DNAJC1: variants seen among roughly 807,000 people sequenced by gnomAD.
DNAJC1 encodes dnaJ homolog subfamily C member 1.
A neutral mutation model predicts 76.6 loss-of-function variants in DNAJC1; 58 were observed. That is an observed-to-expected ratio of 0.76 (90% confidence interval 0.61 to 0.94). The LOEUF (loss-of-function observed/expected upper bound fraction) is 0.94, where lower values mean the gene tolerates loss of function less well. Ranked by LOEUF, DNAJC1 falls within the 40% of genes least tolerant of loss-of-function variation. The probability of loss-of-function intolerance (pLI) is 0.00; values close to 1 mark genes in which losing one functional copy is unlikely to be tolerated. For synonymous variants in DNAJC1, 258 were observed against 267.9 expected (o/e 0.96, Z 0.36); for missense variants, 689 against 677.3 (o/e 1.02, Z -0.19).
intron 8 of DNAJC1, among the ~76,000 whole-genome samples, chr10:21,861,410 T>C (rs1835915248): frequency 6.6e-6 from 1 of 152,058 alleles, no homozygotes; most frequent in Admixed American, 6.6e-5. Context: ...AGTATTAATA[T>C]TATATATAAA....
At chr10:21,941,730 G>T (rs1185415556) in intron 1 of DNAJC1, among the ~76,000 whole-genome samples, 1 of 152,040 alleles carries the variant, frequency 6.6e-6, no homozygotes, top group East Asian at 1.9e-4. Flanking sequence ...GTGTCTGTAG[G>T]TATTCTTAAA....
intron 7 of DNAJC1, among the ~76,000 whole-genome samples, chr10:21,884,296 G>A (rs1836333210): frequency 6.6e-6 from 1 of 152,100 alleles, no homozygotes; most frequent in South Asian, 2.1e-4. Flanking sequence ...TGCCCACGTG[G>A]CTAACAAATA....
chr10:21,875,915 ACT>A (rs1293536753), intron 8 of DNAJC1, among the ~76,000 whole-genome samples: 3 of 152,062 alleles, frequency 2.0e-5, no homozygotes, highest in East Asian at 1.9e-4. Flanking sequence ...ACAGAGTGAG[ACT>A]CTGTCTCAAA....
chr10:21,850,133 G>C (rs1484973767), intron 8 of DNAJC1, among the ~76,000 whole-genome samples: 1 of 152,100 alleles, frequency 6.6e-6, no homozygotes, highest in African/African-American at 2.4e-5. Context: ...AACTGTGTAA[G>C]AAAGAGAAAT....
intron 8 of DNAJC1, among the ~76,000 whole-genome samples, chr10:21,864,573 T>C (rs1323159375): frequency 6.6e-6 from 1 of 150,722 alleles, no homozygotes; most frequent in Non-Finnish European, 1.5e-5. Context: ...AGTGAACCGA[T>C]ATCACGCCAC....
At chr10:21,963,300 A>G (rs1268853180) in intron 1 of DNAJC1, among the ~76,000 whole-genome samples, 4 of 152,222 alleles carry the variant, frequency 2.6e-5, no homozygotes, top group Non-Finnish European at 5.9e-5. Flanking sequence ...ACCAAAAGTA[A>G]AAGCTGCTAA....
intron 8 of DNAJC1, among the ~76,000 whole-genome samples, chr10:21,832,716 T>A (rs1835380635): frequency 1.3e-5 from 2 of 152,200 alleles, no homozygotes; most frequent in African/African-American, 4.8e-5. Flanking sequence ...ATTGCAAAAA[T>A]CTTCTAATGG....
At chr10:21,798,518 G>C (rs924745089) in intron 9 of DNAJC1, among the ~76,000 whole-genome samples, 2 of 152,122 alleles carry the variant, frequency 1.3e-5, no homozygotes, top group African/African-American at 4.8e-5. Flanking sequence ...GCAAACCCCA[G>C]ACATGCTCTT....
At chr10:21,832,165 C>T (rs1035061845) in intron 8 of DNAJC1, among the ~76,000 whole-genome samples, 7 of 152,102 alleles carry the variant, frequency 4.6e-5, no homozygotes, top group South Asian at 2.1e-4. Context: ...TAACTGCTGA[C>T]GTTTTGCCAT....
At chr10:21,807,211 G>A (rs1324995511) in intron 8 of DNAJC1, among the ~76,000 whole-genome samples, 2 of 152,102 alleles carry the variant, frequency 1.3e-5, no homozygotes, top group Admixed American at 1.3e-4. Flanking sequence ...CACCATTTCC[G>A]ATAATGAACA....
Position 21,759,331 on chromosome 10 carries a change from A to C in DNAJC1, c.1435T>G (p.Ser479Ala). Residue 479 changes from serine (S) to alanine (A), a missense_variant, in exon 11 of 12, where the codon TCC (serine) becomes GCC (alanine). Coordinates refer to ENST00000376980, the MANE Select transcript of DNAJC1 (RefSeq NM_022365.4). ...KDFDIAEQNE[S>A]SDEESLRKER... ...TTTCTCAGGCTCTCCTCGTCGCTGG[A>C]CTCGTTTTGTTCTGCTATGTCAAAG... 6.2e-7 allele frequency: 1 copy of C among 1,613,856 alleles called. No individual in the cohort carries two copies. The highest frequency in any genetic ancestry group is 8.5e-7 in the Non-Finnish European group (1 of 1,179,972).
chr10:21,965,611 A>G (rs886419571), intron 1 of DNAJC1, among the ~76,000 whole-genome samples: 2 of 152,224 alleles, frequency 1.3e-5, no homozygotes, highest in African/African-American at 4.8e-5. Context: ...ATATCCTGAT[A>G]TCTGGAGAAC....
Position 21,762,114 on chromosome 10 carries a change from T to G in DNAJC1, c.1148-2496A>C, listed in dbSNP as rs1315939688. The stretch of plus-strand genomic sequence containing the variant: ...CCACCATGCCCAGCTAATTTTTGTA[T>G]TTATAGAACAGACGAGGTTTCACCA... On this transcript the variant is annotated intron_variant, in intron 10 of 11. Coordinates refer to ENST00000376980, the MANE Select transcript of DNAJC1 (RefSeq NM_022365.4). Among the ~76,000 whole-genome samples, 6 of 152,134 alleles carry G rather than the reference T, an allele frequency of 3.9e-5. No individual in the cohort carries two copies. The East Asian group carries it at 1.2e-3, about 29-fold the overall frequency.
At chr10:21,914,707 T>C (rs1448334692) in intron 6 of DNAJC1, among the ~76,000 whole-genome samples, 4 of 152,214 alleles carry the variant, frequency 2.6e-5, no homozygotes, top group Non-Finnish European at 5.9e-5. Flanking sequence ...TGTTGTATAA[T>C]GTTTTCCTTA....
At position 21,759,627 on chromosome 10, in the gene DNAJC1, G is replaced by C. The variant is rs1289218680; in HGVS notation, c.1148-9C>G. 6.2e-7 allele frequency: 1 copy of C among 1,610,606 alleles called. No homozygotes were observed. Among genetic ancestry groups the C allele is most frequent in the South Asian group, 1.1e-5 (1 of 90,714 alleles). Reference sequence around the variant, plus strand: ...GGAGAGTCTAACCATTCCTAGGAAAGAGGGTGTGCCACACAGAGGTGAAGG... The same window carrying C: ...GGAGAGTCTAACCATTCCTAGGAAACAGGGTGTGCCACACAGAGGTGAAGG... On this transcript the variant is annotated splice_polypyrimidine_tract_variant and intron_variant, in intron 10 of 11. Coordinates refer to ENST00000376980, the MANE Select transcript of DNAJC1 (RefSeq NM_022365.4).
chr10:21,840,964 C>G (rs1171428242), intron 8 of DNAJC1, among the ~76,000 whole-genome samples: 1 of 152,180 alleles, frequency 6.6e-6, no homozygotes, highest in Non-Finnish European at 1.5e-5. Context: ...CTACAACTAT[C>G]TGATCTTTGA....
chr10:21,757,740 C>T (rs1009351084), intron 11 of DNAJC1, among the ~76,000 whole-genome samples: 17 of 152,346 alleles, frequency 1.1e-4, no homozygotes, highest in Middle Eastern at 3.4e-3. Context: ...TGAGCTGAGC[C>T]GTGCACGGCA....
At chr10:21,902,700 G>A (rs940647306) in intron 7 of DNAJC1, among the ~76,000 whole-genome samples, 1 of 152,146 alleles carries the variant, frequency 6.6e-6, no homozygotes, top group Non-Finnish European at 1.5e-5. Flanking sequence ...AACTCCGAAA[G>A]GAGCTTTTGT....
At chr10:21,875,352 T>C (rs1382161304) in intron 8 of DNAJC1, among the ~76,000 whole-genome samples, 1 of 151,986 alleles carries the variant, frequency 6.6e-6, no homozygotes, top group Non-Finnish European at 1.5e-5. Context: ...GATGCAGTCT[T>C]CCTAGGTTTC....
Sources: gnomAD v4.1 joint callset for allele counts (sites outside exome capture counted in the v4.1 genomes callset) on GRCh38, gnomAD v4.1.1 for gene constraint, MANE v1.5 for transcripts, NCBI Gene and HGNC (gene_info 2026-07-23, HGNC 2026-07-21) for gene names.